The following PTPRT variants were observed in gnomAD, a reference collection of about 807,000 sequenced individuals.
PTPRT encodes the protein protein tyrosine phosphatase receptor type T.
PTPRT carries 56 observed loss-of-function variants against 176.8 expected under a neutral mutation model. The ratio of observed to expected loss-of-function variants is 0.32; its 90% confidence interval spans 0.26 to 0.40. PTPRT has a LOEUF of 0.40. Among genes scored for constraint, PTPRT ranks in the 10% least tolerant of loss-of-function variants. The pLI is 1.00. For missense variants in PTPRT, 1,540 were observed against 1,908.2 expected, an observed-to-expected ratio of 0.81 and a Z score of 3.60; for synonymous variants, 783 against 739.0, an observed-to-expected ratio of 1.06 and a Z score of -0.96.
intron 1 of PTPRT, among the ~76,000 whole-genome samples, chr20:42,903,954 C>T (rs2079441097): frequency 6.6e-6 from 1 of 152,134 alleles, no homozygotes; most frequent in African/African-American, 2.4e-5. Context: ...AGGAAGTGTA[C>T]ACAAAGGAGA....
chr20:43,128,290 G>A (rs548119404), intron 1 of PTPRT, among the ~76,000 whole-genome samples: 60 of 152,170 alleles, frequency 3.9e-4, no homozygotes, highest in Non-Finnish European at 7.3e-4. Flanking sequence ...ACAAAGAAAC[G>A]TCAGAAAATT....
intron 9 of PTPRT, among the ~76,000 whole-genome samples, chr20:42,441,268 A>G (rs1297835416): frequency 1.3e-5 from 2 of 152,230 alleles, no homozygotes; most frequent in African/African-American, 4.8e-5. Flanking sequence ...TCAAGTGGAC[A>G]GTGGAGGGAA....
chr20:42,994,265 C>T (rs1343736359), intron 1 of PTPRT, among the ~76,000 whole-genome samples: 2 of 152,164 alleles, frequency 1.3e-5, no homozygotes, highest in Non-Finnish European at 2.9e-5. Flanking sequence ...AAACTCCACT[C>T]TAATGCTCCA....
chr20:42,506,398 A>G (rs528615822), intron 7 of PTPRT, among the ~76,000 whole-genome samples: 2 of 152,138 alleles, frequency 1.3e-5, no homozygotes, highest in Non-Finnish European at 2.9e-5. Flanking sequence ...ATCCCAGTTC[A>G]TATCTTGGGC....
At position 42,517,471 on chromosome 20, in the gene PTPRT, T is replaced by A. The variant is rs114808772; in HGVS notation, c.1154-44909A>T. On this transcript the variant is annotated intron_variant, in intron 7 of 30. Transcript: ENST00000373187. ...ATGGAATTAACTTTGACTTTGCCAATCTTTCTATTGTACATATGCATTCCA... is the reference window on the plus strand; with the variant it reads ...ATGGAATTAACTTTGACTTTGCCAAACTTTCTATTGTACATATGCATTCCA... Among the ~76,000 whole-genome samples, 550 of 152,128 alleles carry A rather than the reference T, an allele frequency of 3.6e-3. 6 individuals are homozygous for A. Among genetic ancestry groups the A allele is most frequent in the African/African-American group, 0.013 (523 of 41,564 alleles).
intron 12 of PTPRT, among the ~76,000 whole-genome samples, chr20:42,310,145 T>C (rs1366448127): frequency 6.6e-6 from 1 of 152,004 alleles, no homozygotes. Context: ...AATAATGTCT[T>C]AGGAAAGGTT....
chr20:43,079,592 C>T (rs1033442396), intron 1 of PTPRT, among the ~76,000 whole-genome samples: 1 of 152,226 alleles, frequency 6.6e-6, no homozygotes, highest in Middle Eastern at 3.4e-3. Flanking sequence ...AAACTGCATA[C>T]AATTTTGGTT....
intron 6 of PTPRT, among the ~76,000 whole-genome samples, chr20:42,700,440 C>G (rs1298851781): frequency 6.6e-6 from 1 of 152,112 alleles, no homozygotes; most frequent in East Asian, 1.9e-4. Flanking sequence ...TCGACTACAC[C>G]GCGGATATTT....
At chr20:43,129,284 G>A (rs971808531) in intron 1 of PTPRT, among the ~76,000 whole-genome samples, 2 of 152,146 alleles carry the variant, frequency 1.3e-5, no homozygotes, top group South Asian at 2.1e-4. Context: ...CAGGACCACC[G>A]CCTGTGATCC....
intron 6 of PTPRT, among the ~76,000 whole-genome samples, chr20:42,738,882 G>C (rs974470543): frequency 8.5e-5 from 13 of 152,086 alleles, no homozygotes; most frequent in African/African-American, 3.1e-4. Flanking sequence ...GACTAGCCTG[G>C]GCAACATGAT....
chr20:42,064,210 T>G, the PTPRT span, among the ~76,000 whole-genome samples: 8 of 152,224 alleles, frequency 5.3e-5, no homozygotes, highest in South Asian at 1.7e-3. Context: ...TCTTGAAAAT[T>G]GTTTGGTTAT....
intron 7 of PTPRT, among the ~76,000 whole-genome samples, chr20:42,636,270 A>G (rs1265041072): frequency 6.6e-6 from 1 of 152,166 alleles, no homozygotes; most frequent in African/African-American, 2.4e-5. Context: ...TAAACTTAGT[A>G]TCATGGAACA....
intron 7 of PTPRT, among the ~76,000 whole-genome samples, chr20:42,597,732 G>A (rs547407807): frequency 3.9e-4 from 60 of 152,194 alleles, no homozygotes; most frequent in African/African-American, 1.4e-3. Flanking sequence ...TGAGGCAATC[G>A]AACCTCTTTT....
chr20:42,161,173 T>G (rs1394750356), intron 17 of PTPRT, among the ~76,000 whole-genome samples, 179 bp downstream of exon 17: 6 of 152,188 alleles, frequency 3.9e-5, no homozygotes, highest in Non-Finnish European at 1.5e-5. Flanking sequence ...TAGTTTCTGG[T>G]TAAAATGCAG....
intron 1 of PTPRT, among the ~76,000 whole-genome samples, chr20:43,034,821 C>T (rs2224259): frequency 0.18 from 26,953 of 151,788 alleles, 2,623 homozygotes; most frequent in Admixed American, 0.33. Context: ...ACTCCGGAAC[C>T]GGGTTTTGTC....
At chr20:42,151,781 G>C (rs1215399607) in intron 17 of PTPRT, among the ~76,000 whole-genome samples, 1 of 152,174 alleles carries the variant, frequency 6.6e-6, no homozygotes, top group Non-Finnish European at 1.5e-5. Flanking sequence ...GGCAAAGATG[G>C]GAAATCTCTG....
intron 6 of PTPRT, among the ~76,000 whole-genome samples, chr20:42,681,638 T>C (rs2075605725): frequency 2.0e-5 from 3 of 152,180 alleles, no homozygotes; most frequent in Admixed American, 2.0e-4. Flanking sequence ...GGTCACACAC[T>C]GTCCTAGGCA....
At chr20:42,136,195 C>G (rs75011566) in intron 18 of PTPRT, among the ~76,000 whole-genome samples, 3,416 of 142,458 alleles carry the variant, frequency 0.024, 47 homozygotes, top group African/African-American at 0.039. Context: ...ATTCTTTCTT[C>G]CTGTCTTCTG....
intron 1 of PTPRT, among the ~76,000 whole-genome samples, chr20:43,124,333 T>C (rs978955267): frequency 5.9e-5 from 9 of 152,230 alleles, no homozygotes; most frequent in African/African-American, 1.9e-4. Context: ...TGTTTAGTAA[T>C]GATATAAATG....
Sources: gnomAD v4.1 joint callset for allele counts (sites outside exome capture counted in the v4.1 genomes callset) on GRCh38, gnomAD v4.1.1 for gene constraint, MANE v1.5 for transcripts, NCBI Gene and HGNC (gene_info 2026-07-23, HGNC 2026-07-21) for gene names.